The following CYB5B variants were observed in gnomAD, a reference collection of about 807,000 sequenced individuals.
The protein encoded by CYB5B is cytochrome b5 type B (outer mitochondrial membrane).
CYB5B carries 14 observed loss-of-function variants against 21.3 expected under a neutral mutation model. The observed-to-expected ratio is 0.66, with a 90% confidence interval of 0.43 to 1.03. The LOEUF (loss-of-function observed/expected upper bound fraction) is 1.03. Ranked by LOEUF, CYB5B falls within the 50% of genes least tolerant of loss-of-function variation. The pLI, the probability that CYB5B is intolerant of heterozygous loss-of-function variation, is 0.00. For synonymous variants in CYB5B, 69 were observed against 68.4 expected, an observed-to-expected ratio of 1.01 and a Z score of -0.04; for missense variants, 166 against 185.1, an observed-to-expected ratio of 0.90 and a Z score of 0.60.
intron 1 of CYB5B, among the ~76,000 whole-genome samples, chr16:69,426,478 GGGCGGATCAC>G (rs1567469140): frequency 6.6e-6 from 1 of 151,650 alleles, no homozygotes; most frequent in Non-Finnish European, 1.5e-5. Flanking sequence ...AGGCTGAGGC[GGGCGGATCAC>G]GAGATCAAGA....
intron 3 of CYB5B, among the ~76,000 whole-genome samples, chr16:69,455,400 C>CTT (rs67183796): frequency 4.9e-5 from 6 of 122,982 alleles, no homozygotes; most frequent in African/African-American, 6.3e-5. Context: ...TTGTTGTTCT[C>CTT]TTTTTTTTTT....
At chr16:69,426,421 T>A (rs1291216956) in intron 1 of CYB5B, among the ~76,000 whole-genome samples, 1 of 145,302 alleles carries the variant, frequency 6.9e-6, no homozygotes, top group Non-Finnish European at 1.5e-5. Flanking sequence ...AAAAGTACTT[T>A]CCCGGCCAGG....
chr16:69,449,236 A>G (rs2014908582), intron 3 of CYB5B: 1 of 152,212 alleles, frequency 6.6e-6, no homozygotes, highest in African/African-American at 2.4e-5. Flanking sequence ...AATAGTTCAA[A>G]ACAGTATTCT....
At chr16:69,461,481 AAG>A (rs1346004377) in intron 4 of CYB5B, among the ~76,000 whole-genome samples, 1 of 152,218 alleles carries the variant, frequency 6.6e-6, no homozygotes, top group Non-Finnish European at 1.5e-5. Context: ...TGTTTAGGCA[AAG>A]AGAATCATTT....
chr16:69,432,082 TG>T (rs1211661751), intron 1 of CYB5B, among the ~76,000 whole-genome samples: 3 of 152,154 alleles, frequency 2.0e-5, no homozygotes, highest in Non-Finnish European at 4.4e-5. Context: ...TGAAAGAAGC[TG>T]TGTCTATAGT....
At chr16:69,433,720 G>A (rs1014022775) in intron 1 of CYB5B, among the ~76,000 whole-genome samples, 2 of 152,102 alleles carry the variant, frequency 1.3e-5, no homozygotes, top group African/African-American at 4.8e-5. Flanking sequence ...AGTGAGTTTT[G>A]ACAAATGTCT....
At chr16:69,437,675 G>T (rs1025882208) in intron 1 of CYB5B, among the ~76,000 whole-genome samples, 1 of 151,988 alleles carries the variant, frequency 6.6e-6, no homozygotes, top group Non-Finnish European at 1.5e-5. Flanking sequence ...CGTTAATTAC[G>T]TTTACACTGT....
intron 1 of CYB5B, among the ~76,000 whole-genome samples, chr16:69,445,265 T>C (rs573986094): frequency 5.3e-5 from 8 of 152,232 alleles, no homozygotes; most frequent in Non-Finnish European, 1.2e-4. Flanking sequence ...AAGTGAATCG[T>C]GGCTGTCTTA....
intron 3 of CYB5B, among the ~76,000 whole-genome samples, chr16:69,452,860 G>A (rs1299233878): frequency 6.6e-6 from 1 of 151,828 alleles, no homozygotes; most frequent in Non-Finnish European, 1.5e-5. Flanking sequence ...TTAGCTGGGC[G>A]TGGTGGTGCA....
chr16:69,428,632 G>A (rs150471213), intron 1 of CYB5B, among the ~76,000 whole-genome samples: 5 of 152,092 alleles, frequency 3.3e-5, no homozygotes, highest in African/African-American at 1.2e-4. Flanking sequence ...CTCCAGTCTG[G>A]TGATAGAGTG....
At chr16:69,429,811 A>G (rs368460728) in intron 1 of CYB5B, among the ~76,000 whole-genome samples, 5 of 152,136 alleles carry the variant, frequency 3.3e-5, no homozygotes, top group African/African-American at 1.2e-4. Flanking sequence ...GAAGATTTAC[A>G]TTGGTATTCA....
At chr16:69,442,873 A>G (rs915960151) in intron 1 of CYB5B, among the ~76,000 whole-genome samples, 8 of 150,016 alleles carry the variant, frequency 5.3e-5, no homozygotes, top group African/African-American at 1.7e-4. Flanking sequence ...GCTCAAACAC[A>G]AGTTAGCAGG....
chr16:69,461,093 A>G (rs1567476553), intron 4 of CYB5B, among the ~76,000 whole-genome samples: 1 of 152,106 alleles, frequency 6.6e-6, no homozygotes, highest in Non-Finnish European at 1.5e-5. Context: ...TGGGTGGATC[A>G]CGAGGACGGG....
intron 3 of CYB5B, among the ~76,000 whole-genome samples, chr16:69,455,595 A>T (rs2014976423): frequency 1.3e-5 from 2 of 151,456 alleles, no homozygotes; most frequent in Admixed American, 1.3e-4. Flanking sequence ...TTTAGTAGAG[A>T]TGGGGTTTCA....
chr16:69,451,577 T>C (rs530426114), intron 3 of CYB5B, among the ~76,000 whole-genome samples: 6 of 152,216 alleles, frequency 3.9e-5, no homozygotes, highest in Admixed American at 3.9e-4. Flanking sequence ...TTTGACCTGT[T>C]CCCCATTACA....
chr16:69,451,370 C>T (rs961491210), intron 3 of CYB5B, among the ~76,000 whole-genome samples: 2 of 152,166 alleles, frequency 1.3e-5, no homozygotes, highest in Non-Finnish European at 2.9e-5. Context: ...TATGAATTCT[C>T]TCTTTGATGA....
At chr16:69,444,812 A>T (rs1294455447) in intron 1 of CYB5B, among the ~76,000 whole-genome samples, 1 of 152,228 alleles carries the variant, frequency 6.6e-6, no homozygotes, top group Non-Finnish European at 1.5e-5. Flanking sequence ...GAAATGATTG[A>T]AAGAATACAC....
At chr16:69,427,083 T>C (rs2014655385) in intron 1 of CYB5B, among the ~76,000 whole-genome samples, 1 of 152,004 alleles carries the variant, frequency 6.6e-6, no homozygotes, top group African/African-American at 2.4e-5. Context: ...CTACTAAAAA[T>C]ACAAAAATAA....
chr16:69,458,421 GCTTTCTTTCA>G (rs2142827645), intron 3 of CYB5B, among the ~76,000 whole-genome samples: 1 of 152,190 alleles, frequency 6.6e-6, no homozygotes, highest in South Asian at 2.1e-4. Context: ...TTTTGTGTCT[GCTTTCTTTCA>G]CTTAGGATAA....
Sources: gnomAD v4.1 joint callset for allele counts (sites outside exome capture counted in the v4.1 genomes callset) on GRCh38, gnomAD v4.1.1 for gene constraint, MANE v1.5 for transcripts, NCBI Gene and HGNC (gene_info 2026-07-23, HGNC 2026-07-21) for gene names.